Variants in SMYD3 observed in about 807,000 individuals in gnomAD.
SMYD3 encodes SET and MYND domain containing 3.
Under a neutral mutation model 57.7 loss-of-function variants are expected in SMYD3, and 36 were observed. The ratio of observed to expected loss-of-function variants is 0.62; its 90% CI spans 0.48 to 0.82. SMYD3 has a LOEUF of 0.82. SMYD3 is among the 40% of genes least tolerant of loss of function. The pLI, the probability that SMYD3 is intolerant of heterozygous loss-of-function variation, is 0.00. For synonymous variants in SMYD3, 211 were observed against 195.0 expected (o/e 1.08, Z -0.68); for missense variants, 515 against 538.8 (o/e 0.96, Z 0.44).
At chr1:245,822,064 T>TA (rs1411587695) in intron 10 of SMYD3, among the ~76,000 whole-genome samples, 1 of 152,174 alleles carries the variant, frequency 6.6e-6, no homozygotes, top group East Asian at 1.9e-4. Flanking sequence ...CCCAAAGGAT[T>TA]ATAAATCATG....
chr1:246,396,572 C>T (rs952486457), intron 1 of SMYD3, among the ~76,000 whole-genome samples: 1 of 151,950 alleles, frequency 6.6e-6, no homozygotes, highest in Non-Finnish European at 1.5e-5. Flanking sequence ...ATAACCAGTG[C>T]TTTCATATAC....
chr1:245,884,488 G>A (rs950757684), intron 8 of SMYD3, among the ~76,000 whole-genome samples: 11 of 152,148 alleles, frequency 7.2e-5, no homozygotes, highest in Non-Finnish European at 1.2e-4. Context: ...TTTACATAGG[G>A]CCTGAGAGAT....
chr1:246,419,145 T>C (rs561602640), intron 1 of SMYD3, among the ~76,000 whole-genome samples: 5 of 152,212 alleles, frequency 3.3e-5, no homozygotes, highest in African/African-American at 1.2e-4. Flanking sequence ...CTAGCAAAAA[T>C]TGCTCCTAAC....
At chr1:246,298,656 T>C (rs1258943607) in intron 5 of SMYD3, among the ~76,000 whole-genome samples, 1 of 152,118 alleles carries the variant, frequency 6.6e-6, no homozygotes, top group Non-Finnish European at 1.5e-5. Context: ...TATCTTTATA[T>C]AATGATGATG....
rs1193151779 is a variant in SMYD3 at position 245,858,562 on chromosome 1, G to A, written c.1010C>T (p.Ala337Val). The change falls in exon 10 of 12, where the codon GCC (alanine) becomes GTC (valine). Residue 337 changes from alanine (A) to valine (V), a missense_variant. By Grantham distance (64) the Ala-to-Val change is moderately conservative. Transcript: ENST00000490107. ...CTCCAACAGGCCGAGGTTGATGCAG[G>A]CATCCATGGCGCAGTCGAGCACCTT... The part of the protein sequence containing the change: ...QLKVLDCAMD[A>V]CINLGLLEEA... 1 of 1,614,084 alleles carries A rather than the reference G, an allele frequency of 6.2e-7. No individual in the cohort carries two copies. Among genetic ancestry groups the A allele is most frequent in the African/African-American group, 1.3e-5 (1 of 74,930 alleles).
chr1:246,176,087 A>C lies in SMYD3; in HGVS notation c.531+151114T>G, dbSNP rs534781152. Among the ~76,000 whole-genome samples the C allele has an allele frequency of 6.2e-4, 94 of 152,332 alleles. No individual in the cohort carries two copies. The South Asian group carries it at 0.018, about 30-fold the overall frequency. ...AAGCTAATGTTACACAAAATCACTA[A>C]GATAATTTTTTATTTCGTTCCAGTA... On this transcript the variant is annotated intron_variant, in intron 5 of 11. Coordinates refer to ENST00000490107, the MANE Select transcript of SMYD3 (RefSeq NM_001167740.2).
chr1:246,311,558 A>G (rs541460285), intron 5 of SMYD3, among the ~76,000 whole-genome samples: 1 of 152,386 alleles, frequency 6.6e-6, no homozygotes, highest in African/African-American at 2.4e-5. Context: ...TTTCTACCAA[A>G]TCAGAATAAC....
Position 245,761,935 on chromosome 1 carries a change from G to A in SMYD3, c.1185+2106C>T, listed in dbSNP as rs556662597. On this transcript the variant is annotated intron_variant, in intron 11 of 11. Coordinates refer to ENST00000490107, the MANE Select transcript of SMYD3 (RefSeq NM_001167740.2). ...TGAGCAGCTAGGATTTCAGGCACCC[G>A]TTATCATGCTCAGCTAATTTTTGTA... is the stretch of plus-strand genomic sequence containing the variant. Among the ~76,000 whole-genome samples the A allele has an allele frequency of 5.9e-5, 9 of 151,918 alleles. No individual in the cohort carries two copies. The South Asian group carries it at 6.3e-4, about 11-fold the overall frequency.
chr1:246,283,020 G>T (rs779518635), intron 5 of SMYD3, among the ~76,000 whole-genome samples: 20 of 152,142 alleles, frequency 1.3e-4, no homozygotes, highest in Non-Finnish European at 2.1e-4. Context: ...TCCTCTGCCT[G>T]CACCTTCCCT....
chr1:246,080,846 A>G (rs1365201054), intron 5 of SMYD3, among the ~76,000 whole-genome samples: 2 of 152,216 alleles, frequency 1.3e-5, no homozygotes, highest in Admixed American at 1.3e-4. Flanking sequence ...TGTCTCCCCA[A>G]TATCTACAAC....
intron 1 of SMYD3, among the ~76,000 whole-genome samples, chr1:246,448,705 A>T (rs2152891): frequency 0.26 from 26,085 of 98,942 alleles, 3,361 homozygotes; most frequent in East Asian, 0.41. Context: ...TCTTTTTTTT[A>T]AAAAAAAAAA....
chr1:245,988,805 G>C (rs13376134), intron 5 of SMYD3, among the ~76,000 whole-genome samples: 21,358 of 152,212 alleles, frequency 0.14, 1,634 homozygotes, highest in South Asian at 0.23. Flanking sequence ...GCCAATCAGA[G>C]TGAACTCAAA....
rs539991961 is a variant in SMYD3 at position 246,209,947 on chromosome 1, T to C, written c.531+117254A>G. On this transcript the variant is annotated intron_variant, in intron 5 of 11. Transcript: ENST00000490107. Reference sequence around the variant, plus strand: ...AGCCTCCCCGTTCATGAATTACAACTGACAAATGACATCTTATCTGGTAAC... The same window carrying C: ...AGCCTCCCCGTTCATGAATTACAACCGACAAATGACATCTTATCTGGTAAC... 2.4e-4 allele frequency among the ~76,000 whole-genome samples: 37 copies of C among 152,312 alleles called. 1 individual carries two copies. The South Asian group carries it at 6.8e-3, about 28-fold the overall frequency.
chr1:245,989,615 T>C (rs1450702550), intron 5 of SMYD3, among the ~76,000 whole-genome samples: 1 of 152,250 alleles, frequency 6.6e-6, no homozygotes, highest in African/African-American at 2.4e-5. Flanking sequence ...AACGAAGGCT[T>C]CTGCCTTAAC....
At chr1:245,786,992 T>C (rs1448151670) in intron 10 of SMYD3, among the ~76,000 whole-genome samples, 1 of 152,262 alleles carries the variant, frequency 6.6e-6, no homozygotes, top group African/African-American at 2.4e-5. Flanking sequence ...GAAGATGTTA[T>C]TGATGTTCTA....
chr1:246,053,025 C>T (rs965950223), intron 5 of SMYD3: 6 of 152,286 alleles, frequency 3.9e-5, no homozygotes, highest in Non-Finnish European at 7.3e-5. Context: ...TCGCTTGATA[C>T]CAGGAGTTGA....
chr1:246,505,530 G>T (rs1357843787), intron 1 of SMYD3, among the ~76,000 whole-genome samples: 1 of 151,064 alleles, frequency 6.6e-6, no homozygotes, highest in Non-Finnish European at 1.5e-5. Context: ...ATACACCCCA[G>T]ATCCCAGCCC....
intron 5 of SMYD3, among the ~76,000 whole-genome samples, chr1:246,313,640 C>T (rs1315837122): frequency 6.6e-6 from 1 of 152,158 alleles, no homozygotes; most frequent in African/African-American, 2.4e-5. Flanking sequence ...TCACATGTAG[C>T]TCTAATGCTT....
chr1:246,030,480 A>T (rs954179692), intron 5 of SMYD3, among the ~76,000 whole-genome samples: 3 of 152,136 alleles, frequency 2.0e-5, no homozygotes, highest in Non-Finnish European at 2.9e-5. Flanking sequence ...GAGAGGATGG[A>T]GTTTGCGTGT....
Sources: gnomAD v4.1 joint callset for allele counts (sites outside exome capture counted in the v4.1 genomes callset) on GRCh38, gnomAD v4.1.1 for gene constraint, MANE v1.5 for transcripts, NCBI Gene and HGNC (gene_info 2026-07-23, HGNC 2026-07-21) for gene names.